The following CDIN1 variants were observed in gnomAD, a reference collection of about 807,000 sequenced individuals.
The protein encoded by CDIN1 is CDAN1 interacting nuclease 1.
A neutral mutation model predicts 45.3 loss-of-function variants in CDIN1; 33 were observed. The ratio of observed to expected loss-of-function variants is 0.73; its 90% CI spans 0.55 to 0.97. The LOEUF (loss-of-function observed/expected upper bound fraction) is 0.97. CDIN1 is among the 50% of genes least tolerant of loss of function. CDIN1 has a pLI of 0.00. For synonymous variants in CDIN1, 118 were observed against 124.4 expected, an observed-to-expected ratio of 0.95 and a Z score of 0.34; for missense variants, 303 against 339.4, an observed-to-expected ratio of 0.89 and a Z score of 0.84.
At chr15:36,628,224 C>G (rs1178505084) in intron 1 of CDIN1, among the ~76,000 whole-genome samples, 1 of 152,052 alleles carries the variant, frequency 6.6e-6, no homozygotes, top group Non-Finnish European at 1.5e-5. Flanking sequence ...GTTTTTCCCC[C>G]CTGCCCTGGA....
intron 8 of CDIN1, among the ~76,000 whole-genome samples, chr15:36,703,475 C>T (rs1190921210): frequency 1.6e-5 from 2 of 121,478 alleles, no homozygotes; most frequent in East Asian, 2.6e-4. Flanking sequence ...AGCCCTATGG[C>T]GGGGTGATTT....
rs1791712724 is a variant in CDIN1, at chr15:36,657,863, C to A, written c.304C>A (p.Leu102Ile). Reference protein sequence around the residue: ...VDYAPSLMARLILERFLQEHE... With the variant: ...VDYAPSLMARIILERFLQEHE... ...CTATGCGCCCTCATTAATGGCTCGG[C>A]TTATACTGGAGAGGTTTCTACAGGA... Residue 102 changes from leucine to isoleucine, a missense_variant, in exon 5 of 11, where the codon CTT becomes ATT. Physicochemically the swap from Leu to Ile is conservative, Grantham distance 5 (BLOSUM62 2). Transcript: ENST00000566621. 4 of 1,611,996 alleles carry A rather than the reference C, an allele frequency of 2.5e-6. No homozygotes were observed. Among genetic ancestry groups the A allele is most frequent in the Non-Finnish European group, 3.4e-6 (4 of 1,179,036 alleles).
intron 5 of CDIN1, among the ~76,000 whole-genome samples, chr15:36,685,419 G>A (rs2042005832): frequency 1.3e-5 from 2 of 151,620 alleles, no homozygotes; most frequent in Non-Finnish European, 1.5e-5. Context: ...CTGAGTTCTA[G>A]TTTGATTGCA....
intron 1 of CDIN1, chr15:36,617,287 G>T: frequency 9.1e-7 from 1 of 1,104,550 alleles, no homozygotes; most frequent in Non-Finnish European, 1.4e-6. Flanking sequence ...TATATGTAAA[G>T]AATATGAAGT....
At chr15:36,788,106 A>ATATATTTT (rs1343541345) in intron 10 of CDIN1, among the ~76,000 whole-genome samples, 1 of 50,552 alleles carries the variant, frequency 2.0e-5, no homozygotes, top group African/African-American at 7.7e-5. Context: ...ATATATATAT[A>ATATATTTT]TTTTTTTTTT....
chr15:36,659,051 C>G (rs779127611), intron 5 of CDIN1, among the ~76,000 whole-genome samples: 4 of 152,170 alleles, frequency 2.6e-5, no homozygotes, highest in Non-Finnish European at 4.4e-5. Flanking sequence ...TTTTCAACTT[C>G]GCAGCAGCAC....
intron 1 of CDIN1, chr15:36,613,712 GA>G: frequency 1.3e-6 from 2 of 1,543,584 alleles, no homozygotes. Flanking sequence ...AGAAGAAGCG[GA>G]AAAAGCTGCT....
At chr15:36,776,637 T>C (rs2054224804) in intron 10 of CDIN1, among the ~76,000 whole-genome samples, 1 of 152,230 alleles carries the variant, frequency 6.6e-6, no homozygotes, top group Non-Finnish European at 1.5e-5. Context: ...GCTTGTTCAG[T>C]TATGTAAACT....
chr15:36,596,189 A>AT (rs11342046), intron 1 of CDIN1, among the ~76,000 whole-genome samples: 2 of 149,794 alleles, frequency 1.3e-5, no homozygotes, highest in Non-Finnish European at 3.0e-5. Context: ...AAAAAAGCTC[A>AT]TTTTTTTTTT....
chr15:36,679,138 G>C (rs1323419630), intron 5 of CDIN1, among the ~76,000 whole-genome samples: 1 of 152,166 alleles, frequency 6.6e-6, no homozygotes, highest in African/African-American at 2.4e-5. Flanking sequence ...TTTAGTAGTG[G>C]ATTGTGCACT....
intron 3 of CDIN1, among the ~76,000 whole-genome samples, chr15:36,649,754 C>T (rs943644968): frequency 6.6e-6 from 1 of 152,144 alleles, no homozygotes; most frequent in Non-Finnish European, 1.5e-5. Flanking sequence ...CCCCGGACAC[C>T]CCGAATCGAT....
intron 1 of CDIN1, among the ~76,000 whole-genome samples, chr15:36,587,934 A>AT (rs1428190628): frequency 5.9e-5 from 9 of 152,110 alleles, no homozygotes; most frequent in African/African-American, 1.2e-4. Flanking sequence ...GTGAAGTGAG[A>AT]TAAGGCATGT....
In CDIN1 at chr15:36,645,272, A is replaced by G. The variant is rs200414277; in HGVS notation, c.197A>G (p.Glu66Gly). The change falls in exon 3 of 11, where the codon GAA (glutamate) becomes GGA (glycine). Residue 66 changes from glutamate (E) to glycine (G), a missense_variant. By Grantham distance (98) the Glu-to-Gly change is moderately conservative. Transcript: ENST00000566621. ...AAACATCATACTTCGGAAGCAATTG[A>G]AAGTTATTACCAGAGGTATGACCTT... ...HAKHHTSEAI[E>G]SYYQRYLNGV... is the part of the protein sequence containing the mutation. 12 of 1,553,118 alleles carry G rather than the reference A, an allele frequency of 7.7e-6. No individual in the cohort carries two copies. In the East Asian group the frequency reaches 2.4e-4, roughly 31 times the overall value.
intron 10 of CDIN1, 72 bp from the exon 11 acceptor site, chr15:36,808,252 T>C (rs1328543820): frequency 6.3e-7 from 1 of 1,576,024 alleles, no homozygotes; most frequent in African/African-American, 1.4e-5. Flanking sequence ...ATCTTATCAG[T>C]GCCCCAAGGT....
chr15:36,580,031 G>T lies in CDIN1; in HGVS notation c.101+70G>T, dbSNP rs549879210. 587 of 1,365,210 alleles carry T rather than the reference G, an allele frequency of 4.3e-4. 6 individuals carry two copies. In the African/African-American group the frequency reaches 7.9e-3, roughly 18 times the overall value. The allele number at this position is 1,365,210 out of a possible 1,614,324, so 84.6% of individuals were successfully genotyped here. A position where few individuals can be genotyped will look rare whatever the true frequency, so the allele number is the denominator to read the frequency against. On this transcript the variant is annotated intron_variant, in intron 1 of 10. Coordinates refer to ENST00000566621, the MANE Select transcript of CDIN1 (RefSeq NM_001321759.2). Reference sequence around the variant, plus strand: ...GCAGTGCCTGGGCCGCCCAGGCAGCGCTTAGGAACCACGTGTCACACATGA... The same window carrying T: ...GCAGTGCCTGGGCCGCCCAGGCAGCTCTTAGGAACCACGTGTCACACATGA...
chr15:36,580,102 G>A, intron 1 of CDIN1, 141 bp downstream of exon 1: 2 of 700,034 alleles, frequency 2.9e-6, no homozygotes, highest in African/African-American at 1.8e-5. Context: ...CGAGGTTGGC[G>A]AAAAAAGGTT....
At chr15:36,775,657 A>C (rs1303894046) in intron 10 of CDIN1, among the ~76,000 whole-genome samples, 1 of 152,214 alleles carries the variant, frequency 6.6e-6, no homozygotes, top group Non-Finnish European at 1.5e-5. Flanking sequence ...ATCCAATAGC[A>C]ATGAAGTATA....
intron 10 of CDIN1, among the ~76,000 whole-genome samples, chr15:36,722,063 TG>T (rs2140882766): frequency 6.6e-6 from 1 of 152,290 alleles, no homozygotes; most frequent in South Asian, 2.1e-4. Context: ...TCATCTATTT[TG>T]TTTTTTAACT....
chr15:36,751,293 T>C (rs2053465203), intron 10 of CDIN1, among the ~76,000 whole-genome samples: 1 of 141,478 alleles, frequency 7.1e-6, no homozygotes, highest in African/African-American at 2.7e-5. Context: ...GGCATACATA[T>C]GGTTGAGAAG....
Sources: allele counts gnomAD v4.1 joint callset (sites outside exome capture counted in the v4.1 genomes callset), GRCh38; gene constraint gnomAD v4.1.1; transcripts MANE v1.5; gene names NCBI Gene and HGNC (gene_info 2026-07-23, HGNC 2026-07-21).